Variants in KRT7 observed in about 807,000 individuals in gnomAD.
KRT7 encodes the protein keratin 7.
In KRT7, 50 loss-of-function variants were observed where a neutral mutation model predicts 42.8. That is an observed-to-expected ratio of 1.17 (90% CI 0.93 to 1.48). The LOEUF is 1.48. KRT7 is among the 40% of genes most tolerant of loss of function. KRT7 has a pLI of 0.00. For missense variants in KRT7, 588 were observed against 637.6 expected, an observed-to-expected ratio of 0.92 and a Z score of 0.84; for synonymous variants, 268 against 266.3, an observed-to-expected ratio of 1.01 and a Z score of -0.06.
At chr12:52,237,437 C>A (rs916584852) in intron 2 of KRT7, 72 bp from the exon 3 acceptor site, 11 of 1,104,014 alleles carry the variant, frequency 1.0e-5, no homozygotes, top group Non-Finnish European at 1.2e-5. Context: ...GATTTCACAG[C>A]TGCATATGGC....
intron 4 of KRT7, among the ~76,000 whole-genome samples, 157 bp from the exon 5 acceptor site, chr12:52,241,315 A>G (rs185993837): frequency 3.9e-5 from 6 of 152,206 alleles, no homozygotes; most frequent in Admixed American, 3.9e-4. Context: ...GAATGAAGTA[A>G]CTTAATGTGT....
intron 7 of KRT7, chr12:52,247,939 A>C: frequency 1.8e-6 from 1 of 565,682 alleles, no homozygotes; most frequent in Non-Finnish European, 3.2e-6. Flanking sequence ...ATAGGTGGGA[A>C]ATGGAGGCCC....
intron 1 of KRT7, among the ~76,000 whole-genome samples, chr12:52,234,410 T>G (rs1941979951): frequency 6.6e-6 from 1 of 152,190 alleles, no homozygotes; most frequent in African/African-American, 2.4e-5. Context: ...GCTGGGCTGT[T>G]CTGGCCAGGG....
At chr12:52,255,513 C>T, downstream of KRT7, 1 of 439,126 alleles carries the variant, frequency 2.3e-6, no homozygotes, top group African/African-American at 2.0e-5. Context: ...GAGGTGGTCA[C>T]AAGAATCAAA....
At chr12:52,253,119 C>T (rs1480357521), downstream of KRT7, 1 of 1,178,942 alleles carries the variant, frequency 8.5e-7, no homozygotes, top group East Asian at 2.3e-5. Flanking sequence ...TTGCCCTTGT[C>T]CCCACACACT....
intron 1 of KRT7, among the ~76,000 whole-genome samples, chr12:52,234,127 A>AGGGGGGG (rs574825664): frequency 3.6e-5 from 3 of 82,846 alleles, no homozygotes; most frequent in South Asian, 5.8e-4. Flanking sequence ...GGGGCGGGGG[A>AGGGGGGG]GGGGGGGGGG....
chr12:52,254,314 C>T (rs761603991), downstream of KRT7: 13 of 986,444 alleles, frequency 1.3e-5, no homozygotes, highest in East Asian at 4.2e-4. Context: ...GGGTCAGGGC[C>T]TCCACGTTGG....
rs749443109 is a variant in KRT7, at chr12:52,233,436, C to T, written c.140C>T (p.Pro47Leu). 1.9e-6 allele frequency: 3 copies of T among 1,557,738 alleles called. No homozygotes were observed. In the Admixed American group the frequency reaches 6.3e-5, roughly 32 times the overall value. ...SSLYGLGASR[P>L]RVAVRSAYGG... is the part of the protein sequence containing the mutation. ...CTCTACGGCCTCGGCGCCTCACGGCCGCGCGTGGCCGTGCGCTCTGCCTAT... is the reference window on the plus strand; with the variant it reads ...CTCTACGGCCTCGGCGCCTCACGGCTGCGCGTGGCCGTGCGCTCTGCCTAT... Residue 47 changes from proline to leucine, a missense_variant, in exon 1 of 9, where the codon CCG (proline) becomes CTG (leucine). By Grantham distance (98) the Pro-to-Leu change is moderately conservative. Coordinates refer to ENST00000331817, the MANE Select transcript of KRT7 (RefSeq NM_005556.4).
At position 52,241,584 on chromosome 12, in the gene KRT7, A is replaced by C. The variant is rs1483578918; in HGVS notation, c.806A>C (p.Glu269Ala). The change falls in exon 5 of 9, where the codon GAG becomes GCG. Residue 269 changes from glutamate (E) to alanine (A), a missense_variant. Coordinates refer to ENST00000331817, the MANE Select transcript of KRT7 (RefSeq NM_005556.4). The stretch of plus-strand genomic sequence containing the variant: ...ATCGCTGAGGTCAAGGCGCAGTATG[A>C]GGAGATGGCCAAATGCAGCCGGGCT... Reference protein sequence around the residue: ...GIIAEVKAQYEEMAKCSRAEA... With the variant: ...GIIAEVKAQYAEMAKCSRAEA... 6.2e-7 allele frequency: 1 copy of C among 1,613,544 alleles called. No homozygotes were observed. Among genetic ancestry groups the C allele is most frequent in the South Asian group, 1.1e-5 (1 of 90,970 alleles).
In KRT7 at chr12:52,233,385, G is replaced by C; in HGVS notation, c.89G>C (p.Arg30Pro). 6.4e-7 allele frequency: 1 copy of C among 1,564,956 alleles called. No individual in the cohort carries two copies. The highest frequency in any genetic ancestry group is 8.6e-7 in the Non-Finnish European group (1 of 1,162,238). The change falls in exon 1 of 9, where the codon CGC becomes CCC. Residue 30 changes from arginine to proline, a missense_variant. Arg to Pro is a moderately radical substitution (Grantham distance 103, BLOSUM62 -2). Coordinates refer to ENST00000331817, the MANE Select transcript of KRT7 (RefSeq NM_005556.4). ...RGAQVRLSSARPGGLGSSSLY... is the reference protein window; with the variant it reads ...RGAQVRLSSAPPGGLGSSSLY... ...GCCCAGGTGCGCCTGAGCTCCGCTC[G>C]CCCCGGCGGCCTTGGCAGCAGCAGC...
chr12:52,255,563 C>T (rs1253249959), downstream of KRT7, among the ~76,000 whole-genome samples: 1 of 152,218 alleles, frequency 6.6e-6, no homozygotes, highest in East Asian at 1.9e-4. Context: ...TCCCTTTCTT[C>T]TGGGCATTCA....
downstream of KRT7, chr12:52,250,483 A>AGCG (rs921758150): frequency 2.7e-4 from 176 of 646,180 alleles, no homozygotes; most frequent in Non-Finnish European, 3.5e-4. Context: ...AAGCGCACGG[A>AGCG]GCGGCCGCTG....
At chr12:52,252,056 A>G, downstream of KRT7, 1 of 764,038 alleles carries the variant, frequency 1.3e-6, no homozygotes. Context: ...GCCCTCACAC[A>G]ACCTTATAGG....
downstream of KRT7, chr12:52,251,796 C>T: frequency 2.8e-6 from 1 of 359,298 alleles, no homozygotes; most frequent in Non-Finnish European, 5.4e-6. Context: ...ACTACGGCCA[C>T]ATGCAGGCTT....
At chr12:52,251,905 G>A (rs1284958730), downstream of KRT7, 1 of 466,766 alleles carries the variant, frequency 2.1e-6, no homozygotes, top group African/African-American at 2.0e-5. Context: ...GAGTGGAGCA[G>A]TTGAGGCAGA....
At chr12:52,252,546 C>A (rs994335258), downstream of KRT7, 7 of 1,565,468 alleles carry the variant, frequency 4.5e-6, no homozygotes, top group African/African-American at 2.7e-5. Context: ...GCCAGGTAAC[C>A]ACTGACCACT....
In KRT7 at chr12:52,248,840, C is replaced by T. The variant is rs919670209; in HGVS notation, c.*80C>T. The T allele has an allele frequency of 2.2e-6, 3 of 1,353,408 alleles. No individual in the cohort carries two copies. The highest frequency in any genetic ancestry group is 2.9e-6 in the Non-Finnish European group (3 of 1,020,286). The allele number at this position is 1,353,408 out of a possible 1,614,324, so 83.8% of individuals were successfully genotyped here. A position where few individuals can be genotyped will look rare whatever the true frequency, so the allele number is the denominator to read the frequency against. On this transcript the variant is annotated 3_prime_UTR_variant, in exon 9 of 9. Coordinates refer to ENST00000331817, the MANE Select transcript of KRT7 (RefSeq NM_005556.4). ...CCCACCCCTGCCTCCCATGCCTGGT[C>T]CCAAGACAGTGAGACAGTCTGGAAA...
intron 1 of KRT7, among the ~76,000 whole-genome samples, chr12:52,233,821 G>A (rs1036247919): frequency 1.3e-5 from 2 of 152,072 alleles, no homozygotes; most frequent in African/African-American, 4.8e-5. Flanking sequence ...CGGTTTCCAA[G>A]CCCTCCCTTC....
rs1941948751 is a variant in KRT7 at position 52,233,300 on chromosome 12, T to C, written c.4T>C (p.Ser2Pro). 1 of 1,552,934 alleles carries C rather than the reference T, an allele frequency of 6.4e-7. No individual in the cohort carries two copies. The highest frequency in any genetic ancestry group is 8.6e-7 in the Non-Finnish European group (1 of 1,156,816). Residue 2 changes from serine to proline, a missense_variant, in exon 1 of 9, where the codon TCC becomes CCC. Ser to Pro is a moderately conservative substitution (Grantham distance 74). Transcript: ENST00000331817. ...GGTCCATCCCGGCCCAGCCACCATG[T>C]CCATCCACTTCAGCTCCCCGGTATT... Reference protein sequence around the residue: MSIHFSSPVFTS... With the variant: MPIHFSSPVFTS...
Sources: gnomAD v4.1 joint callset for allele counts (sites outside exome capture counted in the v4.1 genomes callset) on GRCh38, gnomAD v4.1.1 for gene constraint, MANE v1.5 for transcripts, NCBI Gene and HGNC (gene_info 2026-07-23, HGNC 2026-07-21) for gene names.